CDK14: variants seen among roughly 807,000 people sequenced by gnomAD.
The protein encoded by CDK14 is cyclin-dependent kinase 14.
Under a neutral mutation model 60.7 loss-of-function variants are expected in CDK14, and 34 were observed. The ratio of observed to expected loss-of-function variants is 0.56; its 90% confidence interval spans 0.43 to 0.75. The LOEUF (loss-of-function observed/expected upper bound fraction) is 0.75, where lower values mean the gene tolerates loss of function less well. Among genes scored for constraint, CDK14 ranks in the 30% least tolerant of loss-of-function variants. The pLI is 0.00. For missense variants in CDK14, 482 were observed against 564.1 expected (o/e 0.85, Z 1.47); for synonymous variants, 197 against 203.7 (o/e 0.97, Z 0.28).
At chr7:90,820,856 G>C (rs1789521290) in intron 5 of CDK14, among the ~76,000 whole-genome samples, 1 of 152,110 alleles carries the variant, frequency 6.6e-6, no homozygotes. Flanking sequence ...GAATGCTCCA[G>C]ACCACGTATC....
chr7:90,862,139 G>T (rs1791029119), intron 5 of CDK14, among the ~76,000 whole-genome samples: 1 of 152,124 alleles, frequency 6.6e-6, no homozygotes, highest in African/African-American at 2.4e-5. Flanking sequence ...AGACTAAATT[G>T]CAAGGTACCT....
At chr7:90,894,565 AT>A (rs1334848825) in intron 6 of CDK14, among the ~76,000 whole-genome samples, 3 of 152,040 alleles carry the variant, frequency 2.0e-5, no homozygotes, top group African/African-American at 7.2e-5. Flanking sequence ...AGGATCAGGA[AT>A]TTTTTTCTCC....
chr7:90,937,385 A>G (rs1793787747), intron 8 of CDK14, among the ~76,000 whole-genome samples: 1 of 152,188 alleles, frequency 6.6e-6, no homozygotes, highest in African/African-American at 2.4e-5. Flanking sequence ...GCCAATTACA[A>G]TTTGATGAAT....
chr7:90,638,818 C>G (rs1800234305), intron 2 of CDK14, among the ~76,000 whole-genome samples: 1 of 151,814 alleles, frequency 6.6e-6, no homozygotes, highest in Non-Finnish European at 1.5e-5. Context: ...TTCTTGGAGG[C>G]TTTGTTCGTT....
chr7:90,830,043 T>C (rs1301326020), intron 5 of CDK14, among the ~76,000 whole-genome samples: 1 of 152,168 alleles, frequency 6.6e-6, no homozygotes, highest in Non-Finnish European at 1.5e-5. Context: ...GGATCTACCA[T>C]TCTGGGGTCT....
chr7:90,707,706 C>T (rs1801930263), intron 2 of CDK14, among the ~76,000 whole-genome samples: 1 of 152,142 alleles, frequency 6.6e-6, no homozygotes, highest in Non-Finnish European at 1.5e-5. Flanking sequence ...ATACAGCTTC[C>T]AGTTTCAGGC....
chr7:91,147,051 C>G (rs1293271571), intron 14 of CDK14, among the ~76,000 whole-genome samples: 2 of 151,912 alleles, frequency 1.3e-5, no homozygotes, highest in African/African-American at 4.8e-5. Flanking sequence ...GAATAAGGAG[C>G]ATCATTTGCT....
intron 9 of CDK14, among the ~76,000 whole-genome samples, chr7:90,963,727 T>C (rs1794674086): frequency 6.8e-6 from 1 of 146,812 alleles, no homozygotes; most frequent in Non-Finnish European, 1.5e-5. Flanking sequence ...TTTTTTTTTT[T>C]TTTTTTGAGA....
chr7:90,653,598 A>G (rs889890945), intron 2 of CDK14, among the ~76,000 whole-genome samples: 1 of 152,248 alleles, frequency 6.6e-6, no homozygotes, highest in Non-Finnish European at 1.5e-5. Context: ...ATTTGAATGC[A>G]TCATGCCCAA....
rs569176462 is a variant in CDK14, at chr7:90,877,578, A to G, written c.639+14309A>G. 9.9e-5 allele frequency among the ~76,000 whole-genome samples: 15 copies of G among 152,168 alleles called. No homozygotes were observed. The South Asian group carries it at 1.9e-3, about 19-fold the overall frequency. ...TTGTTAGGGACATTTGGAAGAATGG[A>G]TTGATTGATGTTTCTCCCCCTTCTA... On this transcript the variant is annotated intron_variant, in intron 6 of 14. Transcript: ENST00000380050.
chr7:90,960,991 A>T (rs1467203608), intron 9 of CDK14, among the ~76,000 whole-genome samples: 1 of 152,136 alleles, frequency 6.6e-6, no homozygotes, highest in Non-Finnish European at 1.5e-5. Flanking sequence ...TTACCATGAT[A>T]CAGTGAAAGA....
At chr7:90,886,760 T>C (rs1225313077) in intron 6 of CDK14, among the ~76,000 whole-genome samples, 1 of 152,212 alleles carries the variant, frequency 6.6e-6, no homozygotes, top group Admixed American at 6.5e-5. Flanking sequence ...GCCAAATATA[T>C]CAGGGTCCTG....
intron 14 of CDK14, among the ~76,000 whole-genome samples, chr7:91,131,890 G>A (rs976172219): frequency 2.0e-5 from 3 of 152,080 alleles, no homozygotes; most frequent in East Asian, 3.9e-4. Flanking sequence ...CCATCTCCTC[G>A]CATGGCACAT....
rs764102812 is a variant in CDK14 at position 90,955,696 on chromosome 7, G to C, written c.827-1G>C. 6.2e-7 allele frequency: 1 copy of C among 1,612,992 alleles called. No homozygotes were observed. Among genetic ancestry groups the C allele is most frequent in the African/African-American group, 1.3e-5 (1 of 74,984 alleles). On this transcript the variant is annotated splice_acceptor_variant, in intron 8 of 14. Coordinates refer to ENST00000380050, the MANE Select transcript of CDK14 (RefSeq NM_001287135.2). LOFTEE classifies it high-confidence loss of function. ...TTCTTTATGTTTCATATAACCCACAGGTCTTGCAAGAGCAAAATCCGTCCC... is the reference window on the plus strand; with the variant it reads ...TTCTTTATGTTTCATATAACCCACACGTCTTGCAAGAGCAAAATCCGTCCC...
intron 5 of CDK14, among the ~76,000 whole-genome samples, chr7:90,805,169 T>G (rs1001838584): frequency 5.9e-5 from 9 of 152,094 alleles, no homozygotes; most frequent in Non-Finnish European, 7.4e-5. Flanking sequence ...ATGATGAGAA[T>G]TCGTAATGTA....
In CDK14 at chr7:91,209,742, G is replaced by C. The variant is rs1299069535; in HGVS notation, c.*2606G>C. The C allele has an allele frequency of 6.6e-6, 1 of 152,484 alleles. No homozygotes were observed. The highest frequency in any genetic ancestry group is 1.5e-5 in the Non-Finnish European group (1 of 68,026). 9.4% of individuals were successfully genotyped at this position (152,484 alleles called of 1,614,324 possible). A position where few individuals can be genotyped will look rare whatever the true frequency, so the allele number is the denominator to read the frequency against. On this transcript the variant is annotated 3_prime_UTR_variant, in exon 15 of 15. Coordinates refer to ENST00000380050, the MANE Select transcript of CDK14 (RefSeq NM_001287135.2). ...CCCATTTTCTTAAAATAACAGTTTT[G>C]TTGACTTAAAAATATGAGATACATA... is the stretch of plus-strand genomic sequence containing the variant.
intron 2 of CDK14, among the ~76,000 whole-genome samples, chr7:90,620,793 C>T (rs1799749705): frequency 6.6e-6 from 1 of 152,108 alleles, no homozygotes; most frequent in African/African-American, 2.4e-5. Flanking sequence ...CACATGGAGA[C>T]TCCTGGCTTT....
chr7:90,830,564 G>A (rs1789882653), intron 5 of CDK14, among the ~76,000 whole-genome samples: 1 of 152,120 alleles, frequency 6.6e-6, no homozygotes, highest in South Asian at 2.1e-4. Context: ...TTACCATTCG[G>A]CTTCTTTTTT....
chr7:90,866,233 T>TACACACACACACAC (rs3038210), intron 6 of CDK14, among the ~76,000 whole-genome samples: 216 of 140,346 alleles, frequency 1.5e-3, no homozygotes, highest in African/African-American at 3.8e-3. Flanking sequence ...CACATACACA[T>TACACACACACACAC]ACACACACAC....
Sources: allele counts gnomAD v4.1 joint callset (sites outside exome capture counted in the v4.1 genomes callset), GRCh38; gene constraint gnomAD v4.1.1; transcripts MANE v1.5; gene names NCBI Gene and HGNC (gene_info 2026-07-23, HGNC 2026-07-21).